Variants in CPQ observed in about 807,000 individuals in gnomAD.
CPQ encodes Ser-Met dipeptidase.
A neutral mutation model predicts 45.7 loss-of-function variants in CPQ; 37 were observed. That is an observed-to-expected ratio of 0.81 (90% CI 0.62 to 1.07). The LOEUF (loss-of-function observed/expected upper bound fraction) is 1.07, where lower values mean the gene tolerates loss of function less well. CPQ is among the 50% of genes least tolerant of loss of function. The probability of loss-of-function intolerance (pLI) is 0.00; values close to 1 mark genes in which losing one functional copy is unlikely to be tolerated. For synonymous variants in CPQ, 186 were observed against 205.8 expected, an observed-to-expected ratio of 0.90 and a Z score of 0.82; for missense variants, 537 against 572.9, an observed-to-expected ratio of 0.94 and a Z score of 0.64.
At chr8:96,680,349 A>C (rs1313717710) in intron 1 of CPQ, 1 of 152,142 alleles carries the variant, frequency 6.6e-6, no homozygotes, top group African/African-American at 2.4e-5. Context: ...GGAGGGACTC[A>C]GTGGGAGGTA....
At chr8:97,000,208 G>GT (rs997434671) in intron 5 of CPQ, among the ~76,000 whole-genome samples, 10 of 152,160 alleles carry the variant, frequency 6.6e-5, no homozygotes, top group African/African-American at 2.4e-4. Context: ...TCTGTTGATA[G>GT]TTTCTTTGGC....
chr8:96,870,936 A>G (rs1426732258), intron 3 of CPQ, among the ~76,000 whole-genome samples: 1 of 152,040 alleles, frequency 6.6e-6, no homozygotes, highest in Non-Finnish European at 1.5e-5. Flanking sequence ...CACTGATACC[A>G]AACTAAGGTT....
rs183206282 is a variant in CPQ at position 97,126,869 on chromosome 8, C to T, written c.1256-16151C>T. On this transcript the variant is annotated intron_variant, in intron 7 of 7. Coordinates refer to ENST00000220763, the MANE Select transcript of CPQ (RefSeq NM_016134.4). ...ATCAGTGGAATAGAATAGGTCTATG[C>T]GTATATGGTCACTTAATTTTTTACA... is the stretch of plus-strand genomic sequence containing the variant. 1.9e-4 allele frequency among the ~76,000 whole-genome samples: 29 copies of T among 152,164 alleles called. No individual in the cohort carries two copies. In the East Asian group the frequency reaches 4.8e-3, roughly 25 times the overall value.
intron 4 of CPQ, among the ~76,000 whole-genome samples, chr8:96,949,924 C>T (rs1244042188): frequency 6.6e-6 from 1 of 152,072 alleles, no homozygotes; most frequent in Non-Finnish European, 1.5e-5. Context: ...TGGAAACAAA[C>T]TATAAACATT....
intron 1 of CPQ, among the ~76,000 whole-genome samples, chr8:96,714,053 C>T (rs908897888): frequency 3.9e-5 from 6 of 152,306 alleles, no homozygotes; most frequent in African/African-American, 1.2e-4. Flanking sequence ...ATACTGTTGT[C>T]TCACTGCTCT....
At chr8:96,899,971 T>A (rs538109837) in intron 4 of CPQ, among the ~76,000 whole-genome samples, 1 of 152,150 alleles carries the variant, frequency 6.6e-6, no homozygotes, top group African/African-American at 2.4e-5. Flanking sequence ...AAATAGATGA[T>A]GTTGTCTTTG....
At chr8:97,020,409 A>C (rs193139555) in intron 5 of CPQ, among the ~76,000 whole-genome samples, 5 of 152,264 alleles carry the variant, frequency 3.3e-5, no homozygotes, top group Admixed American at 2.6e-4. Context: ...TGAAACAAGA[A>C]AATACAAAAG....
chr8:96,991,711 C>G (rs776817798), intron 5 of CPQ, among the ~76,000 whole-genome samples: 9 of 151,962 alleles, frequency 5.9e-5, no homozygotes, highest in Non-Finnish European at 1.0e-4. Flanking sequence ...CACTGTATCC[C>G]CAGAACCCTA....
intron 2 of CPQ, among the ~76,000 whole-genome samples, chr8:96,820,214 G>T (rs761431065): frequency 6.6e-6 from 1 of 151,990 alleles, no homozygotes; most frequent in Non-Finnish European, 1.5e-5. Context: ...TTCCTTTGAG[G>T]CATTGTCCCT....
intron 7 of CPQ, among the ~76,000 whole-genome samples, chr8:97,107,115 T>C (rs1811417620): frequency 6.6e-6 from 1 of 152,158 alleles, no homozygotes; most frequent in South Asian, 2.1e-4. Flanking sequence ...TCAAAAAGGC[T>C]TAATAGGTAG....
At chr8:96,705,400 C>T (rs1013903048) in intron 1 of CPQ, among the ~76,000 whole-genome samples, 34 of 152,104 alleles carry the variant, frequency 2.2e-4, no homozygotes, top group Admixed American at 1.9e-3. Flanking sequence ...TGAGCAAGAG[C>T]GGAAAGCAGA....
chr8:96,998,709 A>G (rs1449861871), intron 5 of CPQ, among the ~76,000 whole-genome samples: 1 of 151,954 alleles, frequency 6.6e-6, no homozygotes, highest in African/African-American at 2.4e-5. Flanking sequence ...AATATCATTG[A>G]AGCTTTCCTT....
At chr8:96,865,236 G>C (rs1811982531) in intron 3 of CPQ, among the ~76,000 whole-genome samples, 1 of 151,994 alleles carries the variant, frequency 6.6e-6, no homozygotes, top group South Asian at 2.1e-4. Context: ...AGAATCAACA[G>C]CTCCCCAAAC....
chr8:97,005,090 T>G (rs558022425), intron 5 of CPQ, among the ~76,000 whole-genome samples: 5 of 149,696 alleles, frequency 3.3e-5, no homozygotes, highest in African/African-American at 1.2e-4. Context: ...TTTATGATCT[T>G]TTTTTTTTTG....
intron 5 of CPQ, among the ~76,000 whole-genome samples, chr8:96,993,445 C>T (rs1225478436): frequency 6.6e-6 from 1 of 151,944 alleles, no homozygotes; most frequent in African/African-American, 2.4e-5. Context: ...GGTGGTAGTT[C>T]CATATTTCTG....
intron 2 of CPQ, among the ~76,000 whole-genome samples, chr8:96,808,499 C>G (rs1425589395): frequency 6.6e-6 from 1 of 152,070 alleles, no homozygotes; most frequent in African/African-American, 2.4e-5. Context: ...TCCTGTCCCT[C>G]CTTATAGAGA....
rs186842857 is a variant in CPQ, at chr8:97,052,028, C to T, written c.1054-13981C>T. 2.8e-3 allele frequency among the ~76,000 whole-genome samples: 428 copies of T among 152,252 alleles called. 5 individuals carry two copies. Among genetic ancestry groups the T allele is most frequent in the Admixed American group, 0.013 (201 of 15,282 alleles). On this transcript the variant is annotated intron_variant, in intron 6 of 7. Coordinates refer to ENST00000220763, the MANE Select transcript of CPQ (RefSeq NM_016134.4). ...GTCTGACTAATGCTTTTTATTCAAC[C>T]CTCCTTGAGGATTTCTAGTGTTCAG...
At chr8:97,043,276 A>C (rs1199367706) in intron 6 of CPQ, among the ~76,000 whole-genome samples, 1 of 151,466 alleles carries the variant, frequency 6.6e-6, no homozygotes, top group East Asian at 1.9e-4. Context: ...TTGTTGGTTT[A>C]AAGTCTGTTT....
intron 7 of CPQ, among the ~76,000 whole-genome samples, chr8:97,082,258 C>G (rs535950270): frequency 2.0e-5 from 3 of 152,152 alleles, no homozygotes; most frequent in Non-Finnish European, 2.9e-5. Flanking sequence ...CAACTTCCCC[C>G]CTTGGGGTAA....
Sources: gnomAD v4.1 joint callset for allele counts (sites outside exome capture counted in the v4.1 genomes callset) on GRCh38, gnomAD v4.1.1 for gene constraint, MANE v1.5 for transcripts, NCBI Gene and HGNC (gene_info 2026-07-23, HGNC 2026-07-21) for gene names.